MAF: variants seen among roughly 807,000 people sequenced by gnomAD.
MAF encodes the protein transcription factor Maf.
MAF carries 10 observed loss-of-function variants against 22.0 expected under a neutral mutation model. The observed-to-expected ratio is 0.45, with a 90% CI of 0.28 to 0.77. The LOEUF is 0.77. Among genes scored for constraint, MAF ranks in the 30% least tolerant of loss-of-function variants. The pLI is 0.12. For synonymous variants in MAF, 337 were observed against 255.8 expected (o/e 1.32, Z -3.03); for missense variants, 544 against 548.4 (o/e 0.99, Z 0.08).
the MAF span, among the ~76,000 whole-genome samples, chr16:79,526,582 C>G: frequency 2.0e-5 from 3 of 152,182 alleles, no homozygotes; most frequent in African/African-American, 7.2e-5. Flanking sequence ...TTTTAACTAT[C>G]AGGAGATAGG....
chr16:79,239,332 G>A, the MAF span, among the ~76,000 whole-genome samples: 1 of 152,048 alleles, frequency 6.6e-6, no homozygotes, highest in Non-Finnish European at 1.5e-5. Flanking sequence ...GAAGTGAGGA[G>A]TTTCCTGGGC....
chr16:79,429,449 G>A, the MAF span, among the ~76,000 whole-genome samples: 1 of 152,174 alleles, frequency 6.6e-6, no homozygotes, highest in Admixed American at 6.5e-5. Flanking sequence ...CCTCTGAGGA[G>A]CGCCGTGCCT....
downstream of MAF, among the ~76,000 whole-genome samples, chr16:79,592,436 T>C (rs931275127): frequency 1.3e-5 from 2 of 152,226 alleles, no homozygotes; most frequent in African/African-American, 4.8e-5. Context: ...CTGTTTGATG[T>C]CTGAATTTTG....
At chr16:79,273,284 G>A in the MAF span, among the ~76,000 whole-genome samples, 1 of 152,150 alleles carries the variant, frequency 6.6e-6, no homozygotes, top group African/African-American at 2.4e-5. Flanking sequence ...TAATCTCTGG[G>A]CTCAGACAGT....
At chr16:79,207,610 C>G in the MAF span, among the ~76,000 whole-genome samples, 4 of 152,312 alleles carry the variant, frequency 2.6e-5, no homozygotes, top group East Asian at 5.8e-4. Context: ...GATATTGTGT[C>G]TATTTTTTAT....
the MAF span, among the ~76,000 whole-genome samples, chr16:79,500,838 T>C: frequency 6.6e-6 from 1 of 152,156 alleles, no homozygotes; most frequent in Non-Finnish European, 1.5e-5. Flanking sequence ...ATGAGACATA[T>C]AGCTAGACCT....
the MAF span, among the ~76,000 whole-genome samples, chr16:79,554,778 T>C: frequency 6.6e-6 from 1 of 152,224 alleles, no homozygotes; most frequent in East Asian, 1.9e-4. Context: ...GTTTGAAAAT[T>C]GTATGGGCAT....
the MAF span, among the ~76,000 whole-genome samples, chr16:79,242,474 T>A: frequency 3.3e-5 from 5 of 151,462 alleles, no homozygotes; most frequent in Non-Finnish European, 7.4e-5. Context: ...TACATAATAC[T>A]AAAGGGATCA....
the MAF span, among the ~76,000 whole-genome samples, chr16:79,214,711 T>TTC: frequency 2.5e-4 from 30 of 122,212 alleles, no homozygotes; most frequent in Non-Finnish European, 5.0e-4. Flanking sequence ...GGCTTTTTTT[T>TTC]TTTTTTTTTT....
the MAF span, among the ~76,000 whole-genome samples, chr16:79,479,727 G>C: frequency 0.024 from 3,702 of 152,330 alleles, 146 homozygotes; most frequent in African/African-American, 0.085. Context: ...GAGAAAGGAA[G>C]GAACCAGACT....
the MAF span, among the ~76,000 whole-genome samples, chr16:79,456,255 A>G: frequency 6.6e-6 from 1 of 152,232 alleles, no homozygotes; most frequent in East Asian, 1.9e-4. Context: ...CACAGGATTT[A>G]TGGGGAGCGA....
the MAF span, among the ~76,000 whole-genome samples, chr16:79,410,426 A>G: frequency 0.023 from 3,574 of 152,356 alleles, 172 homozygotes; most frequent in East Asian, 0.2. Context: ...AACACACTCC[A>G]AATTTCTATG....
chr16:79,587,151 C>G (rs561584699), intron 1 of MAF, among the ~76,000 whole-genome samples: 6 of 152,342 alleles, frequency 3.9e-5, no homozygotes, highest in African/African-American at 1.4e-4. Context: ...TCATTTCTTA[C>G]CCTTGTATCT....
At chr16:79,479,252 C>T in the MAF span, among the ~76,000 whole-genome samples, 3 of 152,228 alleles carry the variant, frequency 2.0e-5, no homozygotes, top group Non-Finnish European at 2.9e-5. Context: ...TGTGTCATAC[C>T]TTTGTACCAT....
chr16:79,408,031 C>A, the MAF span, among the ~76,000 whole-genome samples: 4 of 114,536 alleles, frequency 3.5e-5, no homozygotes, highest in African/African-American at 1.0e-4. Flanking sequence ...AGGCGGGCGC[C>A]ATAAGAGAAT....
chr16:79,229,582 G>A, the MAF span: 1 of 152,132 alleles, frequency 6.6e-6, no homozygotes, highest in Admixed American at 6.6e-5. Context: ...GCGGCGTGGA[G>A]GCCGTTCGGT....
chr16:79,573,754 G>C, the MAF span, among the ~76,000 whole-genome samples: 2 of 152,176 alleles, frequency 1.3e-5, no homozygotes, highest in African/African-American at 4.8e-5. Flanking sequence ...TTAAGTAATA[G>C]CACTAGTGCA....
chr16:79,262,956 A>G, the MAF span, among the ~76,000 whole-genome samples: 5 of 152,218 alleles, frequency 3.3e-5, no homozygotes. Flanking sequence ...GGACAATCAG[A>G]TACACATTTA....
chr16:79,322,177 G>A, the MAF span, among the ~76,000 whole-genome samples: 1 of 152,168 alleles, frequency 6.6e-6, no homozygotes, highest in Admixed American at 6.5e-5. Flanking sequence ...AGGTTGCATT[G>A]AGCCAAGATC....
Sources: gnomAD v4.1 joint callset for allele counts (sites outside exome capture counted in the v4.1 genomes callset) on GRCh38, gnomAD v4.1.1 for gene constraint, MANE v1.5 for transcripts, NCBI Gene and HGNC (gene_info 2026-07-23, HGNC 2026-07-21) for gene names.